JAK2: variants seen among roughly 807,000 people sequenced by gnomAD.
The protein encoded by JAK2 is Janus kinase 2, also known as tyrosine-protein kinase JAK2.
A neutral mutation model predicts 139.3 loss-of-function variants in JAK2; 86 were observed. That is an observed-to-expected ratio of 0.62 (90% CI 0.52 to 0.74). The LOEUF (loss-of-function observed/expected upper bound fraction) is 0.74. Among genes scored for constraint, JAK2 ranks in the 30% least tolerant of loss-of-function variants. The pLI is 0.00. For synonymous variants in JAK2, 490 were observed against 437.7 expected, an observed-to-expected ratio of 1.12 and a Z score of -1.49; for missense variants, 1,421 against 1,360.3, an observed-to-expected ratio of 1.04 and a Z score of -0.70.
At chr9:5,004,271 C>A in intron 2 of JAK2, among the ~76,000 whole-genome samples, 1 of 152,238 alleles carries the variant, frequency 6.6e-6, no homozygotes, top group East Asian at 1.9e-4. Context: ...CTTTGACCAA[C>A]GTCTCCCATT....
intron 12 of JAK2, among the ~76,000 whole-genome samples, chr9:5,072,086 A>G (rs1818987260): frequency 6.6e-6 from 1 of 152,198 alleles, no homozygotes; most frequent in Admixed American, 6.5e-5. Context: ...TAGCCTGTAC[A>G]AGGTCATACA....
chr9:5,126,298 A>G, intron 23 of JAK2, 35 bp from the exon 24 acceptor site: 1 of 1,432,224 alleles, frequency 7.0e-7, no homozygotes, highest in Non-Finnish European at 9.7e-7. Flanking sequence ...TACAAATTAA[A>G]TGTACAAAAA....
intron 2 of JAK2, among the ~76,000 whole-genome samples, chr9:4,990,314 C>T (rs1336541125): frequency 6.6e-6 from 1 of 152,124 alleles, no homozygotes; most frequent in Non-Finnish European, 1.5e-5. Flanking sequence ...AGTTACTCAG[C>T]TAGTTAATGA....
intron 2 of JAK2, among the ~76,000 whole-genome samples, chr9:5,016,083 C>G (rs999718464): frequency 6.6e-6 from 1 of 152,040 alleles, no homozygotes; most frequent in African/African-American, 2.4e-5. Context: ...CAGGATGTTA[C>G]TTTTACTGCC....
chr9:5,007,736 T>C (rs1159188670), intron 2 of JAK2, among the ~76,000 whole-genome samples: 1 of 151,872 alleles, frequency 6.6e-6, no homozygotes, highest in Non-Finnish European at 1.5e-5. Flanking sequence ...TTTTTTTTTT[T>C]TGGAGTGGAG....
chr9:5,036,335 C>G (rs1455168206), intron 4 of JAK2, among the ~76,000 whole-genome samples: 1 of 152,198 alleles, frequency 6.6e-6, no homozygotes, highest in Non-Finnish European at 1.5e-5. Context: ...CCATCCCCAT[C>G]AAGCTACAGA....
At chr9:5,029,583 A>C (rs1437720129) in intron 3 of JAK2, among the ~76,000 whole-genome samples, 200 bp from the exon 4 acceptor site, 1 of 152,200 alleles carries the variant, frequency 6.6e-6, no homozygotes, top group Non-Finnish European at 1.5e-5. Context: ...GGGTGCACTA[A>C]AATGAAGTAT....
intron 22 of JAK2, chr9:5,094,003 C>T (rs1001423216): frequency 1.3e-5 from 2 of 152,164 alleles, no homozygotes; most frequent in Non-Finnish European, 2.9e-5. Flanking sequence ...GAAATCACCA[C>T]ACACCCAAGA....
intron 22 of JAK2, among the ~76,000 whole-genome samples, chr9:5,103,218 A>G: frequency 8.5e-6 from 1 of 117,218 alleles, no homozygotes; most frequent in South Asian, 3.1e-4. Context: ...AGCAAAGGGA[A>G]AGCAAAAAAA....
At position 5,127,217 on chromosome 9, in the gene JAK2, A is replaced by G. The variant is rs1824055708; in HGVS notation, c.*426A>G. ...GCATCTTGTGTGATGTTTTACACAC[A>G]TGAGGGCTGGTGTTCATTAATACTG... On this transcript the variant is annotated 3_prime_UTR_variant, in exon 25 of 25. Transcript: ENST00000381652. 4.3e-6 allele frequency: 1 copy of G among 233,586 alleles called. No individual in the cohort carries two copies. Among genetic ancestry groups the G allele is most frequent in the African/African-American group, 2.2e-5 (1 of 45,300 alleles). 14.5% of individuals were successfully genotyped at this position (233,586 alleles called of 1,614,324 possible).
At chr9:5,086,684 CTTAGAAAAT>C (rs925079129) in intron 19 of JAK2, among the ~76,000 whole-genome samples, 4 of 152,134 alleles carry the variant, frequency 2.6e-5, no homozygotes, top group Non-Finnish European at 4.4e-5. Context: ...AATAACCTTA[CTTAGAAAAT>C]TTCCTACCCT....
chr9:5,117,494 T>C (rs1395180188), intron 22 of JAK2, among the ~76,000 whole-genome samples: 1 of 152,196 alleles, frequency 6.6e-6, no homozygotes, highest in Admixed American at 6.5e-5. Flanking sequence ...TTTCACTCAT[T>C]TTTTCATAAG....
intron 4 of JAK2, among the ~76,000 whole-genome samples, chr9:5,036,365 G>A (rs1823600781): frequency 6.6e-6 from 1 of 152,094 alleles, no homozygotes. Flanking sequence ...TCACAGAATT[G>A]GAAAAAACTA....
chr9:5,058,685 A>T (rs1284153989), intron 8 of JAK2, among the ~76,000 whole-genome samples: 1 of 152,218 alleles, frequency 6.6e-6, no homozygotes, highest in East Asian at 1.9e-4. Context: ...TACATTCTCC[A>T]CATGCTCATC....
chr9:5,125,037 A>C (rs543369345), intron 23 of JAK2, among the ~76,000 whole-genome samples: 4 of 151,566 alleles, frequency 2.6e-5, no homozygotes, highest in African/African-American at 9.6e-5. Flanking sequence ...TTATTGCATA[A>C]GTTAAAATAA....
intron 2 of JAK2, among the ~76,000 whole-genome samples, chr9:5,019,209 A>G (rs1039318172): frequency 2.6e-5 from 4 of 152,042 alleles, no homozygotes; most frequent in Non-Finnish European, 5.9e-5. Context: ...AGTTTGCTTT[A>G]TGGTATCCCA....
intron 5 of JAK2, among the ~76,000 whole-genome samples, chr9:5,049,619 T>C (rs1817273662): frequency 6.6e-6 from 1 of 152,226 alleles, no homozygotes; most frequent in African/African-American, 2.4e-5. Context: ...AATTATTTGC[T>C]TCTGTTTCGC....
At chr9:5,088,426 C>T (rs575736468) in intron 19 of JAK2, among the ~76,000 whole-genome samples, 2 of 152,086 alleles carry the variant, frequency 1.3e-5, no homozygotes, top group South Asian at 2.1e-4. Flanking sequence ...ATCCAAAATA[C>T]ACTAATTTGA....
chr9:5,042,916 G>C (rs1262020875), intron 4 of JAK2, among the ~76,000 whole-genome samples: 2 of 152,184 alleles, frequency 1.3e-5, no homozygotes. Context: ...AGGGGCAGGT[G>C]GGCCCTGCTA....
Sources: allele counts gnomAD v4.1 joint callset (sites outside exome capture counted in the v4.1 genomes callset), GRCh38; gene constraint gnomAD v4.1.1; transcripts MANE v1.5; gene names NCBI Gene and HGNC (gene_info 2026-07-23, HGNC 2026-07-21).